The following UMAD1 variants were observed in gnomAD, a reference collection of about 807,000 sequenced individuals.
UMAD1 encodes the protein UBAP1-MVB12-associated (UMA)-domain containing protein 1.
In UMAD1, 8 loss-of-function variants were observed where a neutral mutation model predicts 6.1. The ratio of observed to expected loss-of-function variants is 1.30; its 90% CI spans 0.76 to 2.35. The LOEUF (loss-of-function observed/expected upper bound fraction) is 2.35, where lower values mean the gene tolerates loss of function less well. Among genes scored for constraint, UMAD1 ranks in the 30% most tolerant of loss-of-function variants. The probability of loss-of-function intolerance (pLI) is 0.00; values close to 1 mark genes in which losing one functional copy is unlikely to be tolerated. For synonymous variants in UMAD1, 56 were observed against 31.4 expected (o/e 1.78, Z -2.61); for missense variants, 130 against 78.4 (o/e 1.66, Z -2.49).
At chr7:7,686,444 C>G (rs148936029) in intron 2 of UMAD1, among the ~76,000 whole-genome samples, 1 of 152,030 alleles carries the variant, frequency 6.6e-6, no homozygotes, top group African/African-American at 2.4e-5. Flanking sequence ...AATTTATTGA[C>G]AATTTTTTAA....
intron 3 of UMAD1, among the ~76,000 whole-genome samples, chr7:7,828,790 C>T (rs1353067039): frequency 6.6e-6 from 1 of 152,050 alleles, no homozygotes; most frequent in African/African-American, 2.4e-5. Context: ...TGGTACTCTC[C>T]CCACTACTTA....
At chr7:7,648,228 T>C (rs1195852952) in intron 1 of UMAD1, among the ~76,000 whole-genome samples, 1 of 152,198 alleles carries the variant, frequency 6.6e-6, no homozygotes, top group Non-Finnish European at 1.5e-5. Flanking sequence ...ATGGATTCCT[T>C]TCTAAGAGAG....
chr7:7,652,472 A>G (rs1337101426), intron 1 of UMAD1, among the ~76,000 whole-genome samples: 2 of 152,250 alleles, frequency 1.3e-5, no homozygotes, highest in Non-Finnish European at 2.9e-5. Flanking sequence ...TTAGACAGCT[A>G]GCAATATTTT....
intron 2 of UMAD1, among the ~76,000 whole-genome samples, chr7:7,702,859 T>C (rs1780494670): frequency 6.6e-6 from 1 of 152,188 alleles, no homozygotes; most frequent in African/African-American, 2.4e-5. Flanking sequence ...ACCAGTTTGT[T>C]TGCTGATGAA....
chr7:7,824,586 C>T (rs556997634), intron 3 of UMAD1, among the ~76,000 whole-genome samples: 29 of 152,250 alleles, frequency 1.9e-4, no homozygotes, highest in Non-Finnish European at 3.1e-4. Flanking sequence ...GCTTTTGTAT[C>T]CACTTGTGGT....
chr7:7,755,302 C>T (rs1781757109), intron 2 of UMAD1, among the ~76,000 whole-genome samples: 1 of 152,130 alleles, frequency 6.6e-6, no homozygotes, highest in African/African-American at 2.4e-5. Context: ...CCCCATTTTT[C>T]CTTCCCAATA....
At chr7:7,751,207 T>G (rs530133397) in intron 2 of UMAD1, among the ~76,000 whole-genome samples, 16 of 152,308 alleles carry the variant, frequency 1.1e-4, no homozygotes, top group African/African-American at 1.7e-4. Context: ...TGACTATATC[T>G]CTCCCCAATT....
chr7:7,821,139 A>G (rs1783234413), intron 3 of UMAD1, among the ~76,000 whole-genome samples: 2 of 152,202 alleles, frequency 1.3e-5, no homozygotes, highest in Admixed American at 1.3e-4. Flanking sequence ...TCTGACTCGC[A>G]GGAAAACATT....
At chr7:7,837,667 A>C (rs1783596474) in intron 3 of UMAD1, among the ~76,000 whole-genome samples, 1 of 152,012 alleles carries the variant, frequency 6.6e-6, no homozygotes, top group Non-Finnish European at 1.5e-5. Context: ...TTAAAAAAAG[A>C]AGAGAAAAAG....
intron 3 of UMAD1, among the ~76,000 whole-genome samples, chr7:7,847,805 C>T (rs535520788): frequency 6.6e-6 from 1 of 152,126 alleles, no homozygotes; most frequent in African/African-American, 2.4e-5. Flanking sequence ...TCTGCCTCAG[C>T]CTGTCAAAAT....
intron 3 of UMAD1, among the ~76,000 whole-genome samples, chr7:7,853,756 A>G (rs907164808): frequency 7.9e-5 from 12 of 152,274 alleles, no homozygotes; most frequent in African/African-American, 2.9e-4. Context: ...ACATAGAGAT[A>G]GTTTTCCTTC....
At chr7:7,845,768 T>C (rs937106325) in intron 3 of UMAD1, among the ~76,000 whole-genome samples, 6 of 152,150 alleles carry the variant, frequency 3.9e-5, no homozygotes, top group Non-Finnish European at 7.4e-5. Context: ...ATCTAGTTAA[T>C]ACCGTAGTAG....
intron 2 of UMAD1, among the ~76,000 whole-genome samples, chr7:7,731,204 G>T (rs577956923): frequency 6.6e-6 from 1 of 152,122 alleles, no homozygotes. Context: ...GTTCCACCAT[G>T]TTGGCCAGGA....
chr7:7,666,754 G>A (rs992045941), intron 1 of UMAD1, among the ~76,000 whole-genome samples: 1 of 152,014 alleles, frequency 6.6e-6, no homozygotes, highest in Non-Finnish European at 1.5e-5. Context: ...TATCAAATAT[G>A]TGATTTCCAG....
intron 2 of UMAD1, among the ~76,000 whole-genome samples, chr7:7,717,259 G>T (rs1780939479): frequency 6.6e-6 from 1 of 151,920 alleles, no homozygotes; most frequent in African/African-American, 2.4e-5. Flanking sequence ...GTTTCACCAC[G>T]TTGGCCTGGC....
At chr7:7,758,714 T>C (rs1726693663) in intron 2 of UMAD1, among the ~76,000 whole-genome samples, 1 of 152,260 alleles carries the variant, frequency 6.6e-6, no homozygotes, top group Admixed American at 6.5e-5. Flanking sequence ...TCTTATTCAA[T>C]GTTGCATTTT....
rs540749944 is a variant in UMAD1 at position 7,862,886 on chromosome 7, G to A, written c.157-14395G>A. 4.6e-5 allele frequency among the ~76,000 whole-genome samples: 7 copies of A among 152,182 alleles called. No homozygotes were observed. The East Asian group carries it at 9.6e-4, about 21-fold the overall frequency. On this transcript the variant is annotated intron_variant, in intron 3 of 3. Coordinates refer to ENST00000682710, the MANE Select transcript of UMAD1 (RefSeq NM_001302348.2). ...TTATTTCGCTTGATGGAAATTTACCGGAAGGCTTTAACCAATTCAGTTTGC... is the reference window on the plus strand; with the variant it reads ...TTATTTCGCTTGATGGAAATTTACCAGAAGGCTTTAACCAATTCAGTTTGC...
At chr7:7,739,612 C>T (rs1263880848) in intron 2 of UMAD1, among the ~76,000 whole-genome samples, 4 of 151,990 alleles carry the variant, frequency 2.6e-5, no homozygotes, top group Non-Finnish European at 4.4e-5. Flanking sequence ...TTCCTAGTGA[C>T]GTAACAAATC....
At chr7:7,792,709 G>A (rs1356744767) in intron 2 of UMAD1, among the ~76,000 whole-genome samples, 1 of 152,078 alleles carries the variant, frequency 6.6e-6, no homozygotes, top group South Asian at 2.1e-4. Flanking sequence ...AGTTTGTTTG[G>A]ACTGCTATAA....
Sources: allele counts gnomAD v4.1 joint callset (sites outside exome capture counted in the v4.1 genomes callset), GRCh38; gene constraint gnomAD v4.1.1; transcripts MANE v1.5; gene names NCBI Gene and HGNC (gene_info 2026-07-23, HGNC 2026-07-21).